RNF213: variants seen among roughly 807,000 people sequenced by gnomAD.
RNF213 encodes the protein E3 ubiquitin-protein ligase RNF213.
A neutral mutation model predicts 514.4 loss-of-function variants in RNF213; 341 were observed. The observed-to-expected ratio is 0.66, with a 90% CI of 0.61 to 0.73. The LOEUF (loss-of-function observed/expected upper bound fraction) is 0.73, where lower values mean the gene tolerates loss of function less well. Ranked by LOEUF, RNF213 falls within the 30% of genes least tolerant of loss-of-function variation. The probability of loss-of-function intolerance (pLI) is 0.00; values close to 1 mark genes in which losing one functional copy is unlikely to be tolerated. For missense variants in RNF213, 5,767 were observed against 6,615.6 expected, an observed-to-expected ratio of 0.87 and a Z score of 4.45; for synonymous variants, 2,655 against 2,658.2, an observed-to-expected ratio of 1.00 and a Z score of 0.04.
intron 3 of RNF213, chr17:80,278,704 C>T (rs1255655607): frequency 2.0e-6 from 3 of 1,526,376 alleles, no homozygotes; most frequent in African/African-American, 1.4e-5. Context: ...TGCGAGTCTA[C>T]TGGAGCTGTG....
rs1220349558 is a variant in RNF213, at chr17:80,334,255, C to T, written c.4294C>T (p.Arg1432Trp). ...GAGAAAGGAGTTCATCTGCTGGGTCCGGGAGGCTCTTGGAGGTAAAATCAG... is the reference window on the plus strand; with the variant it reads ...GAGAAAGGAGTTCATCTGCTGGGTCTGGGAGGCTCTTGGAGGTAAAATCAG... ...SLRKEFICWV[R>W]EALGGINELK... The change falls in exon 22 of 68, where the codon CGG (arginine) becomes TGG (tryptophan). Residue 1432 changes from arginine to tryptophan, a missense_variant. Physicochemically the swap from Arg to Trp is moderately radical, Grantham distance 101. Transcript: ENST00000582970. 22 of 1,535,056 alleles carry T rather than the reference C, an allele frequency of 1.4e-5. No homozygotes were observed. Among genetic ancestry groups the T allele is most frequent in the African/African-American group, 5.5e-5 (4 of 73,016 alleles).
At position 80,301,486 on chromosome 17, in the gene RNF213, ATGAGT is replaced by A. The variant is rs573738914; in HGVS notation, c.2210+2974_2210+2978del. Reference sequence around the variant, plus strand: ...AAAACTCAGATCTAAAAATGGACAAATGAGTTGAGTAGTCATCTAAAAAGAAGACA... The same window carrying A: ...AAAACTCAGATCTAAAAATGGACAAATGAGTAGTCATCTAAAAAGAAGACA... On this transcript the variant is annotated intron_variant, in intron 11 of 67. Transcript: ENST00000582970. Among the ~76,000 whole-genome samples the A allele has an allele frequency of 2.8e-4, 43 of 152,304 alleles. No individual in the cohort carries two copies. In the South Asian group the frequency reaches 5.4e-3, roughly 19 times the overall value.
Position 80,336,148 on chromosome 17 carries a change from T to G in RNF213, c.4310-13T>G. 6.5e-7 allele frequency: 1 copy of G among 1,535,958 alleles called. No individual in the cohort carries two copies. The highest frequency in any genetic ancestry group is 8.7e-7 in the Non-Finnish European group (1 of 1,145,802). On this transcript the variant is annotated splice_polypyrimidine_tract_variant and intron_variant, in intron 22 of 67. Transcript: ENST00000582970. ...AATAGTCCCACGCTGAACTCCCCTC[T>G]TCTCTTCCCCAGGCATCAATGAGCT...
intron 57 of RNF213, chr17:80,382,625 CAT>C: frequency 3.0e-6 from 1 of 331,730 alleles, no homozygotes; most frequent in Non-Finnish European, 5.8e-6. Context: ...CAGCACTCCA[CAT>C]CTGTGTGGTC....
intron 21 of RNF213, chr17:80,333,747 C>G (rs2077903987): frequency 4.7e-6 from 1 of 211,848 alleles, no homozygotes; most frequent in Non-Finnish European, 9.7e-6. Flanking sequence ...ACACTTGAAC[C>G]CTAGTGCACG....
At chr17:80,338,125 G>A (rs913776048) in intron 25 of RNF213, 128 bp downstream of exon 25, 5 of 1,182,886 alleles carry the variant, frequency 4.2e-6, no homozygotes, top group African/African-American at 3.0e-5. Context: ...CTGCTCTTAG[G>A]CCCATGGAGA....
At chr17:80,357,956 G>A (rs191655687) in intron 36 of RNF213, among the ~76,000 whole-genome samples, 5 of 152,310 alleles carry the variant, frequency 3.3e-5, no homozygotes, top group African/African-American at 7.2e-5. Flanking sequence ...TCACTACACC[G>A]CAGTTGGCGT....
intron 12 of RNF213, 106 bp downstream of exon 12, chr17:80,306,574 T>C (rs1301840017): frequency 1.7e-6 from 2 of 1,167,794 alleles, no homozygotes; most frequent in Non-Finnish European, 2.5e-6. Flanking sequence ...GACAGTGGGC[T>C]GGGTGCGGTG....
In RNF213 at chr17:80,384,135, G is replaced by T. The variant is rs72851489; in HGVS notation, c.14322+207G>T. ...TTGCCAGAAGCGTAAAGTCACAGAC[G>T]AAATACACACCCACGTTGGGATTAG... On this transcript the variant is annotated intron_variant, in intron 59 of 67. Transcript: ENST00000582970. Among the ~76,000 whole-genome samples the T allele has an allele frequency of 9.5e-3, 1,444 of 152,302 alleles. 9 individuals carry two copies. The highest frequency in any genetic ancestry group is 0.015 in the Admixed American group (222 of 15,296).
intron 51 of RNF213, 83 bp downstream of exon 51, chr17:80,375,953 A>C (rs1403478496): frequency 5.6e-6 from 6 of 1,067,412 alleles, no homozygotes; most frequent in Non-Finnish European, 8.7e-6. Flanking sequence ...TATCAACACA[A>C]ATCATACCAT....
At chr17:80,358,147 G>A in intron 36 of RNF213, 141 bp from the exon 37 acceptor site, 1 of 678,866 alleles carries the variant, frequency 1.5e-6, no homozygotes, top group Non-Finnish European at 2.6e-6. Context: ...GAAATGTCAA[G>A]TTATTGCTGT....
At chr17:80,308,105 G>T (rs1176915338) in intron 13 of RNF213, among the ~76,000 whole-genome samples, 2 of 152,002 alleles carry the variant, frequency 1.3e-5, no homozygotes, top group Non-Finnish European at 2.9e-5. Flanking sequence ...ATACCCTGAG[G>T]GGTCAGCAGA....
rs1477663316 is a variant in RNF213, at chr17:80,371,926, A to C, written c.12478A>C (p.Lys4160Gln). 8 of 1,598,540 alleles carry C rather than the reference A, an allele frequency of 5.0e-6. No homozygotes were observed. Among genetic ancestry groups the C allele is most frequent in the Non-Finnish European group, 6.0e-6 (7 of 1,165,782 alleles). The change falls in exon 47 of 68, where the codon AAA becomes CAA. Residue 4160 changes from lysine to glutamine, a missense_variant. Lys to Gln is a moderately conservative substitution (Grantham distance 53). Coordinates refer to ENST00000582970, the MANE Select transcript of RNF213 (RefSeq NM_001256071.3). The stretch of plus-strand genomic sequence containing the variant: ...GGAATATTTGACCCTGTTAAAAAAG[A>C]AAGCATTCATAACTGAAGATAAAAC... ...IQEYLTLLKKKAFITEDKTEL... is the reference protein window; with the variant it reads ...IQEYLTLLKKQAFITEDKTEL...
rs185230945 is a variant in RNF213 at position 80,343,895 on chromosome 17, C to T, written c.6222C>T (p.Leu2074=). The stretch of plus-strand genomic sequence containing the variant: ...TTTGGGTGTTTCTTTTCAAGCTCCT[C>T]ATTTTACAATACTTAATGGATATAA... ...TGIWVFLFKL[L]ILQYLMDING... is the part of the protein sequence containing the mutation. The change falls in exon 28 of 68, where the codon CTC becomes CTT. Residue 2074 remains leucine, a synonymous_variant. Transcript: ENST00000582970. This position sits in a 1 kb window ranked among gnomAD's most constrained non-coding sequence, Gnocchi z 4.3. 125 of 1,614,202 alleles carry T rather than the reference C, an allele frequency of 7.7e-5. No homozygotes were observed. The East Asian group carries it at 2.4e-3, about 31-fold the overall frequency.
intron 20 of RNF213, among the ~76,000 whole-genome samples, chr17:80,328,772 T>C (rs2046341580): frequency 6.6e-6 from 1 of 152,254 alleles, no homozygotes; most frequent in South Asian, 2.1e-4. Context: ...ATTTCTGGTC[T>C]GTGCCCTGCA....
chr17:80,398,171 T>C lies in RNF213; in HGVS notation c.*4673T>C, dbSNP rs1019757720. 4 of 152,028 alleles carry C rather than the reference T, an allele frequency of 2.6e-5. No homozygotes were observed. The highest frequency in any genetic ancestry group is 9.7e-5 in the African/African-American group (4 of 41,400). 9.4% of individuals were successfully genotyped at this position (152,028 alleles called of 1,614,324 possible). On this transcript the variant is annotated 3_prime_UTR_variant, in exon 68 of 68. Transcript: ENST00000582970. ...ACTTGACTTGGATTGCTTGATACTT[T>C]GGTTTTGGTTTTGACCTGACTTGGA...
chr17:80,371,744 A>G, intron 46 of RNF213, 130 bp from the exon 47 acceptor site: 1 of 626,714 alleles, frequency 1.6e-6, no homozygotes, highest in Non-Finnish European at 2.9e-6. Flanking sequence ...CTTAGAAACC[A>G]CGTATATGTA....
At chr17:80,391,830 G>T (rs1409263122) in intron 67 of RNF213, among the ~76,000 whole-genome samples, 1 of 137,304 alleles carries the variant, frequency 7.3e-6, no homozygotes, top group East Asian at 2.2e-4. Flanking sequence ...GAGTGCAATG[G>T]TGTCATCTTA....
At position 80,380,955 on chromosome 17, in the gene RNF213, G is replaced by T. The variant is rs1269981809; in HGVS notation, c.13765G>T (p.Ala4589Ser). The change falls in exon 56 of 68, where the codon GCT (alanine) becomes TCT (serine). Residue 4589 changes from alanine (A) to serine (S), a missense_variant. Around this residue, in one of 13 missense-constraint regions of RNF213, gnomAD observed 1,245 missense variants for 1,339.0 expected, o/e 0.93. Coordinates refer to ENST00000582970, the MANE Select transcript of RNF213 (RefSeq NM_001256071.3). ...CCTTATCCGGCTACTCACTCACTTG[G>T]CTCTGCTTCTGGGAGCGTCCCAGAG... ...FLLIRLLTHL[A>S]LLLGASQSSQ... is the part of the protein sequence containing the mutation. 1.9e-6 allele frequency: 3 copies of T among 1,614,062 alleles called. No individual in the cohort carries two copies. Among genetic ancestry groups the T allele is most frequent in the Non-Finnish European group, 2.5e-6 (3 of 1,180,048 alleles).
Sources: allele counts gnomAD v4.1 joint callset (sites outside exome capture counted in the v4.1 genomes callset), GRCh38; gene constraint gnomAD v4.1.1; regional missense constraint gnomAD v4.1.1; non-coding constraint Gnocchi (gnomAD v3.1); transcripts MANE v1.5; gene names NCBI Gene and HGNC (gene_info 2026-07-23, HGNC 2026-07-21).